ADAM22: variants seen among roughly 807,000 people sequenced by gnomAD.
ADAM22 encodes disintegrin and metalloproteinase domain-containing protein 22.
In ADAM22, 65 loss-of-function variants were observed where a neutral mutation model predicts 144.6. The ratio of observed to expected loss-of-function variants is 0.45; its 90% CI spans 0.37 to 0.55. The LOEUF (loss-of-function observed/expected upper bound fraction) is 0.55. Ranked by LOEUF, ADAM22 falls within the 20% of genes least tolerant of loss-of-function variation. The pLI is 0.00. For synonymous variants in ADAM22, 391 were observed against 412.6 expected, an observed-to-expected ratio of 0.95 and a Z score of 0.63; for missense variants, 974 against 1,184.9, an observed-to-expected ratio of 0.82 and a Z score of 2.61.
intron 14 of ADAM22, among the ~76,000 whole-genome samples, chr7:88,136,392 G>C (rs1423779234): frequency 2.0e-5 from 3 of 152,004 alleles, no homozygotes; most frequent in Non-Finnish European, 4.4e-5. Flanking sequence ...AAAACAGCCT[G>C]GATTTGTAGC....
chr7:88,126,632 C>A (rs183962554), intron 8 of ADAM22, among the ~76,000 whole-genome samples: 8 of 151,802 alleles, frequency 5.3e-5, no homozygotes, highest in African/African-American at 1.9e-4. Flanking sequence ...TGCTTGGGAC[C>A]GGAAGTTTTG....
At chr7:88,145,750 C>T (rs1005053381) in intron 17 of ADAM22, among the ~76,000 whole-genome samples, 3 of 152,246 alleles carry the variant, frequency 2.0e-5, no homozygotes, top group Admixed American at 2.0e-4. Flanking sequence ...AGGTCTTACA[C>T]CAAGTAAGTT....
At chr7:87,957,403 A>G (rs551108012) in intron 2 of ADAM22, among the ~76,000 whole-genome samples, 100 of 152,136 alleles carry the variant, frequency 6.6e-4, no homozygotes, top group Non-Finnish European at 1.0e-3. Flanking sequence ...AATGTAATGG[A>G]CACCCTTGTA....
At chr7:88,045,888 TTG>T (rs59898382) in intron 3 of ADAM22, among the ~76,000 whole-genome samples, 35,389 of 133,640 alleles carry the variant, frequency 0.26, 4,331 homozygotes, top group Non-Finnish European at 0.29. Context: ...TCGTATTCTA[TTG>T]TGTGTGTGTG....
intron 4 of ADAM22, among the ~76,000 whole-genome samples, chr7:88,083,068 G>A (rs1817304110): frequency 6.6e-6 from 1 of 152,174 alleles, no homozygotes; most frequent in African/African-American, 2.4e-5. Context: ...ATTCACAATA[G>A]CAAAGAGTTG....
intron 2 of ADAM22, chr7:87,964,504 A>G: frequency 3.5e-6 from 1 of 282,822 alleles, no homozygotes; most frequent in Non-Finnish European, 6.8e-6. Flanking sequence ...TAATAGAAGT[A>G]TAAATAAAAT....
At chr7:88,147,861 C>T (rs1189815157) in intron 17 of ADAM22, among the ~76,000 whole-genome samples, 2 of 152,106 alleles carry the variant, frequency 1.3e-5, no homozygotes, top group Non-Finnish European at 1.5e-5. Context: ...AGAAGAGAAA[C>T]GTGAAATTAA....
chr7:87,955,008 G>A (rs1385184259), intron 2 of ADAM22, among the ~76,000 whole-genome samples: 3 of 152,210 alleles, frequency 2.0e-5, no homozygotes, highest in Non-Finnish European at 4.4e-5. Context: ...GCACTTCTCT[G>A]TATTGGTTAT....
At chr7:88,010,962 TG>T (rs1795213155) in intron 3 of ADAM22, among the ~76,000 whole-genome samples, 1 of 152,202 alleles carries the variant, frequency 6.6e-6, no homozygotes, top group Admixed American at 6.5e-5. Flanking sequence ...TGTAATTTTT[TG>T]TGATTAGTAA....
chr7:87,991,352 A>ATTTT (rs10549124), intron 3 of ADAM22, among the ~76,000 whole-genome samples: 5 of 86,062 alleles, frequency 5.8e-5, no homozygotes, highest in Admixed American at 1.6e-4. Context: ...CACTAGCCTT[A>ATTTT]TTTTTTTTTT....
chr7:88,036,524 G>A (rs893983239), intron 3 of ADAM22, among the ~76,000 whole-genome samples: 3 of 151,942 alleles, frequency 2.0e-5, no homozygotes, highest in East Asian at 1.9e-4. Flanking sequence ...TTAATAATAC[G>A]TTAACAGTAT....
chr7:88,065,593 A>G (rs1341197112), intron 3 of ADAM22, among the ~76,000 whole-genome samples: 3 of 152,038 alleles, frequency 2.0e-5, no homozygotes, highest in Non-Finnish European at 4.4e-5. Flanking sequence ...TTGACAATAT[A>G]TATTTTTTAT....
chr7:88,190,642 G>A (rs1306913344), intron 30 of ADAM22, among the ~76,000 whole-genome samples: 1 of 152,184 alleles, frequency 6.6e-6, no homozygotes, highest in East Asian at 1.9e-4. Context: ...GGCTTTAAGT[G>A]AAAGCCAGGC....
At chr7:88,003,092 C>T (rs1025557473) in intron 3 of ADAM22, among the ~76,000 whole-genome samples, 1 of 152,132 alleles carries the variant, frequency 6.6e-6, no homozygotes, top group African/African-American at 2.4e-5. Context: ...TATGAAAACG[C>T]TAATAAAATT....
chr7:88,089,404 G>A (rs1819266303), intron 4 of ADAM22, among the ~76,000 whole-genome samples: 1 of 152,058 alleles, frequency 6.6e-6, no homozygotes, highest in African/African-American at 2.4e-5. Flanking sequence ...AGGTTTTTAG[G>A]TTATCTTTTG....
At chr7:88,000,139 C>A (rs1288959644) in intron 3 of ADAM22, among the ~76,000 whole-genome samples, 1 of 152,050 alleles carries the variant, frequency 6.6e-6, no homozygotes, top group East Asian at 1.9e-4. Context: ...TCTCATTATT[C>A]TTTAGATATC....
rs1405882288 is a variant in ADAM22 at position 88,200,797 on chromosome 7, A to T, written c.*4306A>T. 2.0e-5 allele frequency: 3 copies of T among 152,290 alleles called. No individual in the cohort carries two copies. Among genetic ancestry groups the T allele is most frequent in the Non-Finnish European group, 4.4e-5 (3 of 68,110 alleles). The allele number at this position is 152,290 out of a possible 1,614,324, so 9.4% of individuals were successfully genotyped here. On this transcript the variant is annotated 3_prime_UTR_variant, in exon 32 of 32. Coordinates refer to ENST00000413139, the MANE Select transcript of ADAM22 (RefSeq NM_001324418.2). ...TTCCTCCTGAGATGTTTTTGAATGG[A>T]TAAGACTACTCTGGTTTTGGATGCA...
chr7:88,092,947 T>G (rs1820323486), intron 4 of ADAM22, among the ~76,000 whole-genome samples: 1 of 122,490 alleles, frequency 8.2e-6, no homozygotes, highest in Admixed American at 1.1e-4. Flanking sequence ...CTTTCTGGTA[T>G]AAGATTTTTT....
At chr7:88,153,474 C>G in intron 21 of ADAM22, 148 bp downstream of exon 21, 1 of 632,278 alleles carries the variant, frequency 1.6e-6, no homozygotes, top group Non-Finnish European at 2.7e-6. Flanking sequence ...CCAGCATCAC[C>G]TGTGCAGAGG....
Sources: gnomAD v4.1 joint callset for allele counts (sites outside exome capture counted in the v4.1 genomes callset) on GRCh38, gnomAD v4.1.1 for gene constraint, MANE v1.5 for transcripts, NCBI Gene and HGNC (gene_info 2026-07-23, HGNC 2026-07-21) for gene names.